The following PDE8B variants were observed in gnomAD, a reference collection of about 807,000 sequenced individuals.
The protein encoded by PDE8B is phosphodiesterase 8B, also known as high affinity cAMP-specific and IBMX-insensitive 3',5'-cyclic phosphodiesterase 8B.
Under a neutral mutation model 101.3 loss-of-function variants are expected in PDE8B, and 26 were observed. That is an observed-to-expected ratio of 0.26 (90% CI 0.19 to 0.36). The LOEUF (loss-of-function observed/expected upper bound fraction) is 0.36. PDE8B is among the 10% of genes least tolerant of loss of function. The pLI, the probability that PDE8B is intolerant of heterozygous loss-of-function variation, is 1.00. For synonymous variants in PDE8B, 424 were observed against 429.3 expected (o/e 0.99, Z 0.15); for missense variants, 810 against 1,163.1 (o/e 0.70, Z 4.42).
chr5:77,258,035 T>C (rs1317821162), intron 1 of PDE8B, among the ~76,000 whole-genome samples: 1 of 152,004 alleles, frequency 6.6e-6, no homozygotes, highest in Non-Finnish European at 1.5e-5. Flanking sequence ...ACACCTGTAA[T>C]CCCAGCACTT....
chr5:77,366,879 C>A (rs539047593), intron 10 of PDE8B, among the ~76,000 whole-genome samples: 1 of 152,192 alleles, frequency 6.6e-6, no homozygotes, highest in East Asian at 1.9e-4. Flanking sequence ...GGCAGCCCCC[C>A]GGTGGCCATC....
Position 77,210,812 on chromosome 5 carries a change from G to A in PDE8B, c.-114G>A. The A allele has an allele frequency of 1.0e-6, 1 of 985,304 alleles. No individual in the cohort carries two copies. Among genetic ancestry groups the A allele is most frequent in the Non-Finnish European group, 1.2e-6 (1 of 831,386 alleles). The allele number at this position is 985,304 out of a possible 1,614,324, so 61.0% of individuals were successfully genotyped here. On this transcript the variant is annotated 5_prime_UTR_variant, in exon 1 of 22. Transcript: ENST00000264917. This position sits in a 1 kb window ranked among gnomAD's most constrained non-coding sequence, Gnocchi z 4.9. ...CGGAGCGGCGGACACACAGGCCGGG[G>A]GGCGCGCAGTCCGGGCGCCGCCGCG... is the stretch of plus-strand genomic sequence containing the variant.
chr5:77,143,433 T>C, the PDE8B span, among the ~76,000 whole-genome samples: 1 of 150,984 alleles, frequency 6.6e-6, no homozygotes, highest in Non-Finnish European at 1.5e-5. Context: ...TAGATCTTTG[T>C]AACAATGAGC....
the PDE8B span, among the ~76,000 whole-genome samples, chr5:77,171,953 G>A: frequency 9.2e-5 from 14 of 152,286 alleles, no homozygotes; most frequent in Non-Finnish European, 1.3e-4. Context: ...AGATGATCTG[G>A]AGGGGCAGAC....
At position 77,351,141 on chromosome 5, in the gene PDE8B, T is replaced by C. The variant is rs1368305562; in HGVS notation, c.1094T>C (p.Ile365Thr). Residue 365 changes from isoleucine (I) to threonine (T), a missense_variant, in exon 9 of 22, where the codon ATT (isoleucine) becomes ACT (threonine). Physicochemically the swap from Ile to Thr is moderately conservative, Grantham distance 89. Coordinates refer to ENST00000264917, the MANE Select transcript of PDE8B (RefSeq NM_003719.5). ...CAGCACGTGAAGATCACCCCAGTGA[T>C]TGGCCAAGGAGGGTGAGAGCAAACT... ...IQQHVKITPV[I>T]GQGGKIRHFV... The C allele has an allele frequency of 7.4e-6, 12 of 1,613,340 alleles. No homozygotes were observed. Among genetic ancestry groups the C allele is most frequent in the African/African-American group, 2.7e-5 (2 of 74,926 alleles).
At position 77,426,464 on chromosome 5, in the gene PDE8B, C is replaced by T. The variant is rs910705611; in HGVS notation, c.2568C>T (p.Ala856=). ...TTGCAGCCTTTGCACATCTGCCAGCCCTGATGCAACATTTGGCTGACAACT... is the reference window on the plus strand; with the variant it reads ...TTGCAGCCTTTGCACATCTGCCAGCTCTGATGCAACATTTGGCTGACAACT... The part of the protein sequence containing the change: ...DAWDAFAHLP[A]LMQHLADNYK... Residue 856 remains alanine (A), a synonymous_variant, in exon 22 of 22, where the codon GCC becomes GCT. Coordinates refer to ENST00000264917, the MANE Select transcript of PDE8B (RefSeq NM_003719.5). The T allele has an allele frequency of 1.2e-6, 2 of 1,612,570 alleles. No homozygotes were observed. The highest frequency in any genetic ancestry group is 1.7e-6 in the Non-Finnish European group (2 of 1,178,696).
At chr5:77,400,117 A>G in intron 10 of PDE8B, 131 bp from the exon 11 acceptor site, 1 of 709,658 alleles carries the variant, frequency 1.4e-6, no homozygotes, top group Admixed American at 2.0e-5. Flanking sequence ...TCATCTGTTC[A>G]TATTATATGT....
At chr5:77,370,433 C>T (rs1412423362) in intron 10 of PDE8B, among the ~76,000 whole-genome samples, 2 of 152,162 alleles carry the variant, frequency 1.3e-5, no homozygotes, top group South Asian at 2.1e-4. Context: ...TCGTGGAAGG[C>T]TTCTTTCAGT....
intron 20 of PDE8B, among the ~76,000 whole-genome samples, chr5:77,422,489 A>AGGG (rs750836840): frequency 1.3e-5 from 2 of 152,206 alleles, no homozygotes; most frequent in African/African-American, 2.4e-5. Context: ...TCTAGATAAA[A>AGGG]GGGGGGCTAC....
chr5:77,412,353 C>G (rs898832374), intron 16 of PDE8B, 118 bp downstream of exon 16: 3 of 984,902 alleles, frequency 3.0e-6, no homozygotes, highest in Admixed American at 1.8e-5. Flanking sequence ...GGTTCTGGCT[C>G]TCATGCCATG....
chr5:77,368,610 A>G (rs1258666402), intron 10 of PDE8B, among the ~76,000 whole-genome samples: 1 of 152,224 alleles, frequency 6.6e-6, no homozygotes, highest in Non-Finnish European at 1.5e-5. Flanking sequence ...CATCCCAGGC[A>G]GCATTCAGTA....
chr5:77,210,615 C>G (rs1200686819), upstream of PDE8B: 54 of 980,602 alleles, frequency 5.5e-5, no homozygotes, highest in Non-Finnish European at 6.5e-5. The surrounding 1 kb of genome is among the most constrained non-coding windows in gnomAD (Gnocchi z 4.9). Flanking sequence ...AAGGCGGAGG[C>G]GCGGGGAGCG....
rs543366048 is a variant in PDE8B, at chr5:77,257,118, A to C, written c.339+45854A>C. Among the ~76,000 whole-genome samples, 10 of 152,328 alleles carry C rather than the reference A, an allele frequency of 6.6e-5. No homozygotes were observed. In the South Asian group the frequency reaches 1.9e-3, roughly 28 times the overall value. On this transcript the variant is annotated intron_variant, in intron 1 of 21. Coordinates refer to ENST00000264917, the MANE Select transcript of PDE8B (RefSeq NM_003719.5). The stretch of plus-strand genomic sequence containing the variant: ...TATATTAGACATTTCAGAAATACTT[A>C]GTACATCCAAAAGAAAACAGAAAAA...
chr5:77,220,802 C>G (rs1750940211), intron 1 of PDE8B, among the ~76,000 whole-genome samples: 1 of 152,098 alleles, frequency 6.6e-6, no homozygotes. Flanking sequence ...TCGTGAAGTT[C>G]CTTTAGGGAG....
chr5:77,166,446 A>G, the PDE8B span, among the ~76,000 whole-genome samples: 3 of 152,140 alleles, frequency 2.0e-5, no homozygotes, highest in Non-Finnish European at 4.4e-5. Context: ...ATTTCAATCC[A>G]TTATCAACCC....
At chr5:77,195,550 A>G in the PDE8B span, among the ~76,000 whole-genome samples, 1 of 152,190 alleles carries the variant, frequency 6.6e-6, no homozygotes, top group Non-Finnish European at 1.5e-5. Context: ...TGACCCTTGA[A>G]CACTGTGGGG....
At chr5:77,391,519 TGAA>T (rs1390100460) in intron 10 of PDE8B, among the ~76,000 whole-genome samples, 2 of 152,134 alleles carry the variant, frequency 1.3e-5, no homozygotes, top group Non-Finnish European at 2.9e-5. Context: ...AAATTATACT[TGAA>T]GAAGAATGGC....
the PDE8B span, among the ~76,000 whole-genome samples, chr5:77,106,450 C>T: frequency 2.0e-5 from 3 of 152,220 alleles, no homozygotes; most frequent in Non-Finnish European, 4.4e-5. Context: ...ACAAAAATCA[C>T]TTGACCATAC....
At chr5:77,368,002 C>G (rs144745614) in intron 10 of PDE8B, among the ~76,000 whole-genome samples, 2 of 152,326 alleles carry the variant, frequency 1.3e-5, no homozygotes, top group East Asian at 3.9e-4. Flanking sequence ...GCTGGCATGG[C>G]CTTTGTGACT....
Sources: gnomAD v4.1 joint callset for allele counts (sites outside exome capture counted in the v4.1 genomes callset) on GRCh38, gnomAD v4.1.1 for gene constraint, Gnocchi (gnomAD v3.1) non-coding constraint, MANE v1.5 for transcripts, NCBI Gene and HGNC (gene_info 2026-07-23, HGNC 2026-07-21) for gene names.